The following FN1 variants were observed in gnomAD, a reference collection of about 807,000 sequenced individuals.
FN1 encodes the protein fibronectin.
Under a neutral mutation model 297.3 loss-of-function variants are expected in FN1, and 106 were observed. That is an observed-to-expected ratio of 0.36 (90% confidence interval 0.30 to 0.42). The LOEUF is 0.42. Among genes scored for constraint, FN1 ranks in the 10% least tolerant of loss-of-function variants. FN1 has a pLI of 1.00. For missense variants in FN1, 2,690 were observed against 3,124.9 expected (o/e 0.86, Z 3.32); for synonymous variants, 1,149 against 1,152.6 (o/e 1.00, Z 0.06).
intron 35 of FN1, among the ~76,000 whole-genome samples, chr2:215,377,439 G>T (rs1402174194): frequency 2.0e-5 from 3 of 151,912 alleles, no homozygotes; most frequent in Admixed American, 2.0e-4. Context: ...CAAGAGACTG[G>T]GTCATTTAAA....
intron 7 of FN1, 36 bp downstream of exon 7, chr2:215,425,058 G>C (rs760707106): frequency 6.4e-7 from 1 of 1,571,098 alleles, no homozygotes; most frequent in South Asian, 1.1e-5. Context: ...AAATAATAAA[G>C]TCATCAGTCC....
chr2:215,373,298 T>G, intron 39 of FN1, 24 bp downstream of exon 39: 1 of 1,581,840 alleles, frequency 6.3e-7, no homozygotes, highest in Non-Finnish European at 8.7e-7. Context: ...ATCTTTCTCC[T>G]TGTTACCTGC....
rs113597941 is a variant in FN1, at chr2:215,376,495, G to A, written c.5887+3C>T. 6.2e-7 allele frequency: 1 copy of A among 1,613,698 alleles called. No individual in the cohort carries two copies. The highest frequency in any genetic ancestry group is 2.2e-5 in the East Asian group (1 of 44,890). On this transcript the variant is annotated splice_donor_region_variant and intron_variant, in intron 36 of 45. Coordinates refer to ENST00000354785, the MANE Select transcript of FN1 (RefSeq NM_212482.4). ...ATGTGGTTAGTGCAATGAGTTCCCTGACCTGTGATGGTGTAGCTTCTGACA... is the reference window on the plus strand; with the variant it reads ...ATGTGGTTAGTGCAATGAGTTCCCTAACCTGTGATGGTGTAGCTTCTGACA...
chr2:215,416,361 G>T (rs2063429792), intron 12 of FN1, among the ~76,000 whole-genome samples: 1 of 152,208 alleles, frequency 6.6e-6, no homozygotes, highest in Admixed American at 6.5e-5. Context: ...CACACAGGAT[G>T]TTTGTTTTAA....
At position 215,373,471 on chromosome 2, in the gene FN1, C is replaced by T. The variant is rs1045817693; in HGVS notation, c.6158-60G>A. The T allele has an allele frequency of 4.4e-5, 62 of 1,409,262 alleles. 1 individual carries two copies. The highest frequency in any genetic ancestry group is 2.5e-4 in the Admixed American group (15 of 59,432). The allele number at this position is 1,409,262 out of a possible 1,614,324, so 87.3% of individuals were successfully genotyped here. ...TGGGCTCAGCTAGTCAAGTGGAAGT[C>T]GGTCTCACCAGCAGACGCTACTGGG... On this transcript the variant is annotated intron_variant, in intron 38 of 45. Coordinates refer to ENST00000354785, the MANE Select transcript of FN1 (RefSeq NM_212482.4).
chr2:215,419,825 T>A (rs973083723), intron 11 of FN1, among the ~76,000 whole-genome samples: 1 of 152,252 alleles, frequency 6.6e-6, no homozygotes, highest in Non-Finnish European at 1.5e-5. Flanking sequence ...AACTAGACTT[T>A]ACGAGTATAC....
Position 215,409,974 on chromosome 2 carries a change from G to A in FN1, c.2082C>T (p.Arg694=). 6.2e-7 allele frequency: 1 copy of A among 1,613,960 alleles called. No homozygotes were observed. The highest frequency in any genetic ancestry group is 8.5e-7 in the Non-Finnish European group (1 of 1,180,010). ...TGGTGCTGGTGGTGGTGAAGTCAAA[G>A]CGAGTCACTTCTTGGTGGCCGTACT... The part of the protein sequence containing the change: ...IQQYGHQEVT[R]FDFTTTSTST... Residue 694 remains arginine (R), a synonymous_variant, in exon 14 of 46, where the codon CGC becomes CGT. Coordinates refer to ENST00000354785, the MANE Select transcript of FN1 (RefSeq NM_212482.4).
intron 44 of FN1, among the ~76,000 whole-genome samples, chr2:215,363,896 T>G (rs2054013578): frequency 6.6e-6 from 1 of 152,210 alleles, no homozygotes; most frequent in Admixed American, 6.5e-5. Flanking sequence ...AGGCCCTCCA[T>G]AAGCCACTTC....
intron 41 of FN1, among the ~76,000 whole-genome samples, chr2:215,368,251 T>C (rs1023213410): frequency 1.3e-5 from 2 of 152,220 alleles, no homozygotes; most frequent in Non-Finnish European, 2.9e-5. Flanking sequence ...TCTTTTATTT[T>C]TCCCTTGCTT....
chr2:215,428,234 C>T lies in FN1; in HGVS notation c.790G>A (p.Gly264Ser), dbSNP rs950443871. The T allele has an allele frequency of 1.5e-5, 25 of 1,614,246 alleles. No individual in the cohort carries two copies. The highest frequency in any genetic ancestry group is 2.7e-5 in the African/African-American group (2 of 75,060). ...CTCTCACACTTCCACTCTCCTCGGC[C>T]GTTGCCTGTGCAGATGCACTGGAGC... is the stretch of plus-strand genomic sequence containing the variant. ...NLLQCICTGN[G>S]RGEWKCERHT... Residue 264 changes from glycine to serine, a missense_variant, in exon 6 of 46, where the codon GGC (glycine) becomes AGC (serine). Physicochemically the swap from Gly to Ser is moderately conservative, Grantham distance 56. This residue lies in a region of FN1 where 876 missense variants were observed against 1,058.1 expected (regional missense o/e 0.83). Transcript: ENST00000354785.
Position 215,420,793 on chromosome 2 carries a change from T to C in FN1, c.1555A>G (p.Ile519Val), listed in dbSNP as rs763062621. 22 of 1,613,938 alleles carry C rather than the reference T, an allele frequency of 1.4e-5. No homozygotes were observed. In the East Asian group the frequency reaches 2.2e-4, roughly 16 times the overall value. ...IAYSQLRDQC[I>V]VDDITYNVND... ...ACATTGTAAGTGATGTCATCAACAA[T>C]GCACTGATCTGTTTAGGAAACAGGT... Residue 519 changes from isoleucine to valine, a missense_variant, in exon 11 of 46, where the codon ATT becomes GTT. By Grantham distance (29) the Ile-to-Val change is conservative. Around this residue, in one of 3 missense-constraint regions of FN1, gnomAD observed 876 missense variants for 1,058.1 expected, o/e 0.83. Transcript: ENST00000354785.
rs761785947 is a variant in FN1, at chr2:215,370,553, AC to A, written c.6715-122del. The A allele has an allele frequency of 9.9e-4, 464 of 466,866 alleles. 15 individuals carry two copies. Among genetic ancestry groups the A allele is most frequent in the South Asian group, 4.7e-3 (128 of 26,976 alleles). The allele number at this position is 466,866 out of a possible 1,614,324, so 28.9% of individuals were successfully genotyped here. The stretch of plus-strand genomic sequence containing the variant: ...AGCAAAGGAAGACAAAAAACAAAAA[AC>A]AAAAAAAAAAAAAAGAGGGAGGGTA... On this transcript the variant is annotated intron_variant, in intron 40 of 45. Transcript: ENST00000354785.
At chr2:215,381,960 T>C (rs2058280912) in intron 32 of FN1, 1 of 455,584 alleles carries the variant, frequency 2.2e-6, no homozygotes, top group Admixed American at 3.4e-5. Context: ...AAGATTTCGC[T>C]GAGGCCATTT....
rs184951551 is a variant in FN1 at position 215,410,754 on chromosome 2, G to A, written c.1942-640C>T. On this transcript the variant is annotated intron_variant, in intron 13 of 45. Coordinates refer to ENST00000354785, the MANE Select transcript of FN1 (RefSeq NM_212482.4). ...ACTCCCGACCTCAGGTGATCCACCC[G>A]CCTCGGACTCCCAAAGTGCTGGGAT... Among the ~76,000 whole-genome samples, 36 of 152,182 alleles carry A rather than the reference G, an allele frequency of 2.4e-4. No homozygotes were observed. In the East Asian group the frequency reaches 5.6e-3, roughly 24 times the overall value.
chr2:215,371,052 G>A (rs1313530218), intron 40 of FN1, among the ~76,000 whole-genome samples: 3 of 152,088 alleles, frequency 2.0e-5, no homozygotes, highest in Non-Finnish European at 4.4e-5. Flanking sequence ...GGCGGATCAC[G>A]AGGTCAGGAG....
Position 215,397,131 on chromosome 2 carries a change from A to G in FN1, c.3604+6T>C. The G allele has an allele frequency of 6.2e-7, 1 of 1,605,454 alleles. No homozygotes were observed. The highest frequency in any genetic ancestry group is 8.5e-7 in the Non-Finnish European group (1 of 1,172,112). Reference sequence around the variant, plus strand: ...ATACTTGCCCTCTGATCCATCCCAAACTTACCTGGGGTGGTGCTCCTCTCC... The same window carrying G: ...ATACTTGCCCTCTGATCCATCCCAAGCTTACCTGGGGTGGTGCTCCTCTCC... On this transcript the variant is annotated splice_donor_region_variant and intron_variant, in intron 23 of 45. Transcript: ENST00000354785.
intron 27 of FN1, among the ~76,000 whole-genome samples, chr2:215,387,736 C>T (rs535711350): frequency 3.9e-4 from 59 of 152,194 alleles, no homozygotes; most frequent in African/African-American, 9.9e-4. Flanking sequence ...CTAAAGTGTA[C>T]CTTTTGAAAG....
Position 215,365,555 on chromosome 2 carries a change from A to G in FN1, c.7094T>C (p.Met2365Thr). ...WDRQGENGQM[M>T]SCTCLGNGKG... Reference sequence around the variant, plus strand: ...TCCGTTCCCAAGACATGTGCAGCTCATCATCTGGCCATTTTCTCCCTGACG... The same window carrying G: ...TCCGTTCCCAAGACATGTGCAGCTCGTCATCTGGCCATTTTCTCCCTGACG... Residue 2365 changes from methionine to threonine, a missense_variant, in exon 43 of 46, where the codon ATG becomes ACG. By Grantham distance (81) the Met-to-Thr change is moderately conservative (BLOSUM62 -1). This residue lies in a region of FN1 where 1,743 missense variants were observed against 1,945.2 expected (regional missense o/e 0.90). Coordinates refer to ENST00000354785, the MANE Select transcript of FN1 (RefSeq NM_212482.4). 6.2e-7 allele frequency: 1 copy of G among 1,606,572 alleles called. No individual in the cohort carries two copies. Among genetic ancestry groups the G allele is most frequent in the Non-Finnish European group, 8.5e-7 (1 of 1,173,186 alleles).
intron 30 of FN1, 36 bp downstream of exon 30, chr2:215,383,982 AGT>A: frequency 1.3e-6 from 2 of 1,564,098 alleles, no homozygotes; most frequent in Non-Finnish European, 1.7e-6. Flanking sequence ...TATCTGAATA[AGT>A]AAAAGCTGGT....
Sources: gnomAD v4.1 joint callset for allele counts (sites outside exome capture counted in the v4.1 genomes callset) on GRCh38, gnomAD v4.1.1 for gene constraint, gnomAD v4.1.1 regional missense constraint, MANE v1.5 for transcripts, NCBI Gene and HGNC (gene_info 2026-07-23, HGNC 2026-07-21) for gene names.